The following DOCK5 variants were observed in gnomAD, a reference collection of about 807,000 sequenced individuals.
The protein encoded by DOCK5 is dedicator of cytokinesis 5, also known as dedicator of cytokinesis protein 5.
DOCK5 carries 142 observed loss-of-function variants against 251.8 expected under a neutral mutation model. The ratio of observed to expected loss-of-function variants is 0.56; its 90% CI spans 0.49 to 0.65. DOCK5 has a LOEUF of 0.65. DOCK5 is among the 30% of genes least tolerant of loss of function. The probability of loss-of-function intolerance (pLI) is 0.00; values close to 1 mark genes in which losing one functional copy is unlikely to be tolerated. For synonymous variants in DOCK5, 842 were observed against 835.5 expected (o/e 1.01, Z -0.13); for missense variants, 2,111 against 2,312.3 (o/e 0.91, Z 1.79).
At chr8:25,340,591 T>TTGTCC (rs1187285136) in intron 22 of DOCK5, among the ~76,000 whole-genome samples, 2 of 152,224 alleles carry the variant, frequency 1.3e-5, no homozygotes, top group Non-Finnish European at 2.9e-5. Context: ...CTAAGGGGTC[T>TTGTCC]TGTCCTGGAA....
chr8:25,223,098 A>G (rs1802434721), intron 1 of DOCK5, among the ~76,000 whole-genome samples: 1 of 152,162 alleles, frequency 6.6e-6, no homozygotes, highest in Non-Finnish European at 1.5e-5. Flanking sequence ...CAGTCCCATA[A>G]ATAAAGTACA....
Position 25,364,709 on chromosome 8 carries a change from G to A in DOCK5, c.3123+5G>A, listed in dbSNP as rs747272807. ...CAGGCAAGCTTTGAACTTCAGGTAG[G>A]CATGTGACTCACCTACCTGCTTCTA... is the stretch of plus-strand genomic sequence containing the variant. On this transcript the variant is annotated splice_donor_5th_base_variant and intron_variant, in intron 30 of 51. Coordinates refer to ENST00000276440, the MANE Select transcript of DOCK5 (RefSeq NM_024940.8). 6.3e-7 allele frequency: 1 copy of A among 1,581,536 alleles called. No homozygotes were observed. Among genetic ancestry groups the A allele is most frequent in the Non-Finnish European group, 8.6e-7 (1 of 1,160,422 alleles).
At chr8:25,278,315 C>G (rs1804101972) in intron 4 of DOCK5, among the ~76,000 whole-genome samples, 1 of 152,204 alleles carries the variant, frequency 6.6e-6, no homozygotes, top group Non-Finnish European at 1.5e-5. Context: ...CTGGAGAAAT[C>G]TACACTGGGG....
intron 30 of DOCK5, 27 bp downstream of exon 30, chr8:25,364,731 T>C: frequency 6.6e-7 from 1 of 1,522,794 alleles, no homozygotes; most frequent in African/African-American, 1.4e-5. Context: ...CCTACCTGCT[T>C]CTAGAATTCT....
chr8:25,385,360 G>A (rs925031), intron 40 of DOCK5, among the ~76,000 whole-genome samples: 13,471 of 152,182 alleles, frequency 0.089, 740 homozygotes, highest in East Asian at 0.23. Flanking sequence ...GACTCGGGAC[G>A]TGGGGGTGGT....
chr8:25,348,362 G>A (rs1800406639), intron 26 of DOCK5, among the ~76,000 whole-genome samples: 1 of 152,126 alleles, frequency 6.6e-6, no homozygotes, highest in Non-Finnish European at 1.5e-5. Flanking sequence ...CTCCCTTTGA[G>A]TTTCTTTTGA....
At chr8:25,291,076 G>A (rs138112140) in intron 5 of DOCK5, among the ~76,000 whole-genome samples, 1 of 152,282 alleles carries the variant, frequency 6.6e-6, no homozygotes, top group African/African-American at 2.4e-5. Context: ...GGTGGAGACT[G>A]GTATGAAATG....
intron 27 of DOCK5, among the ~76,000 whole-genome samples, chr8:25,356,518 T>C (rs955233191): frequency 2.5e-4 from 38 of 151,694 alleles, no homozygotes; most frequent in African/African-American, 8.9e-4. Flanking sequence ...TACACAAAAA[T>C]TAGCCAGGCA....
intron 25 of DOCK5, among the ~76,000 whole-genome samples, chr8:25,344,022 T>C (rs1167015904): frequency 6.6e-6 from 1 of 152,098 alleles, no homozygotes; most frequent in Non-Finnish European, 1.5e-5. Flanking sequence ...TTGGCCAGCT[T>C]GTCTCAAGCT....
chr8:25,299,186 G>A (rs1250955211), intron 8 of DOCK5, 85 bp downstream of exon 8: 2 of 1,446,666 alleles, frequency 1.4e-6, no homozygotes, highest in Non-Finnish European at 1.9e-6. Context: ...CTCTTTGCCA[G>A]ATTTGAGAAG....
At chr8:25,369,700 CAG>C (rs1474388811) in intron 34 of DOCK5, 59 bp downstream of exon 34, 6 of 1,471,058 alleles carry the variant, frequency 4.1e-6, no homozygotes, top group East Asian at 4.9e-5. Context: ...TAGAGAAAAA[CAG>C]GGGTCCTGTT....
intron 1 of DOCK5, among the ~76,000 whole-genome samples, chr8:25,193,678 C>T: frequency 6.6e-6 from 1 of 151,918 alleles, no homozygotes; most frequent in East Asian, 1.9e-4. Context: ...GTGAGAGGAT[C>T]ATCTGAGCCT....
rs1443053133 is a variant in DOCK5 at position 25,389,150 on chromosome 8, G to T, written c.4191G>T (p.Arg1397Ser). The T allele has an allele frequency of 2.5e-6, 4 of 1,613,878 alleles. No homozygotes were observed. The African/African-American group carries it at 5.3e-5, about 22-fold the overall frequency. Residue 1397 changes from arginine to serine, a missense_variant, in exon 41 of 52, where the codon AGG (arginine) becomes AGT (serine). Physicochemically the swap from Arg to Ser is moderately radical, Grantham distance 110. This residue lies in a region of DOCK5 where 1,717 missense variants were observed against 1,892.4 expected (regional missense o/e 0.91). Transcript: ENST00000276440. The stretch of plus-strand genomic sequence containing the variant: ...AGAGGCGAGAGGACTTCAGCCTGAG[G>T]TTGTTAACCCAGTTCCCCAATGCGG... The part of the protein sequence containing the change: ...EYERREDFSL[R>S]LLTQFPNAEK...
intron 6 of DOCK5, among the ~76,000 whole-genome samples, chr8:25,292,940 A>G (rs532404009): frequency 2.0e-5 from 3 of 152,300 alleles, no homozygotes; most frequent in Admixed American, 2.0e-4. Context: ...GAGTAGTAAA[A>G]CATGTTTGTA....
At chr8:25,365,899 G>C (rs766021091) in intron 30 of DOCK5, among the ~76,000 whole-genome samples, 6 of 152,150 alleles carry the variant, frequency 3.9e-5, no homozygotes, top group Non-Finnish European at 5.9e-5. Flanking sequence ...TACACACACA[G>C]AGATGCATGC....
rs1231187185 is a variant in DOCK5 at position 25,184,744 on chromosome 8, A to ACGGGCG, written c.-158_-153dup. ...GACCGCGGGCGGCGCGGGCACGGGCACGGGCGCGGGCGGCGCGGCGAGGAG... is the reference window on the plus strand; with the variant it reads ...GACCGCGGGCGGCGCGGGCACGGGCACGGGCGCGGGCGCGGGCGGCGCGGCGAGGAG... On this transcript the variant is annotated 5_prime_UTR_variant, in exon 1 of 52. Coordinates refer to ENST00000276440, the MANE Select transcript of DOCK5 (RefSeq NM_024940.8). 6.4e-6 allele frequency: 3 copies of ACGGGCG among 465,796 alleles called. No homozygotes were observed. Among genetic ancestry groups the ACGGGCG allele is most frequent in the African/African-American group, 2.2e-5 (1 of 46,426 alleles). 28.9% of individuals were successfully genotyped at this position (465,796 alleles called of 1,614,324 possible).
At chr8:25,249,176 T>G (rs1355836518) in intron 2 of DOCK5, among the ~76,000 whole-genome samples, 2 of 152,000 alleles carry the variant, frequency 1.3e-5, no homozygotes, top group Non-Finnish European at 2.9e-5. Flanking sequence ...TGTTTTTAAT[T>G]TTTTAGGAGA....
chr8:25,298,566 G>GTGTT (rs1459814827), intron 7 of DOCK5, among the ~76,000 whole-genome samples: 1 of 152,100 alleles, frequency 6.6e-6, no homozygotes, highest in Non-Finnish European at 1.5e-5. Context: ...TTCCTCTCGG[G>GTGTT]TGTTATCTGT....
rs1801284861 is a variant in DOCK5 at position 25,392,861 on chromosome 8, T to G, written c.4506T>G (p.Phe1502Leu). 6.2e-7 allele frequency: 1 copy of G among 1,612,478 alleles called. No homozygotes were observed. The highest frequency in any genetic ancestry group is 1.7e-5 in the Admixed American group (1 of 59,808). Residue 1502 changes from phenylalanine to leucine, a missense_variant, in exon 44 of 52, where the codon TTT becomes TTG. Around this residue, in one of 3 missense-constraint regions of DOCK5, gnomAD observed 1,717 missense variants for 1,892.4 expected, o/e 0.91. Coordinates refer to ENST00000276440, the MANE Select transcript of DOCK5 (RefSeq NM_024940.8). ...AYTFPGILKWFEVKQISTEEI... is the reference protein window; with the variant it reads ...AYTFPGILKWLEVKQISTEEI... ...CCTTTCCTGGGATTCTCAAGTGGTTTGAAGTCAAACAGATTTCAACAGTGA... is the reference window on the plus strand; with the variant it reads ...CCTTTCCTGGGATTCTCAAGTGGTTGGAAGTCAAACAGATTTCAACAGTGA...
Sources: gnomAD v4.1 joint callset for allele counts (sites outside exome capture counted in the v4.1 genomes callset) on GRCh38, gnomAD v4.1.1 for gene constraint, gnomAD v4.1.1 regional missense constraint, MANE v1.5 for transcripts, NCBI Gene and HGNC (gene_info 2026-07-23, HGNC 2026-07-21) for gene names.